Variants in LRRK2 observed in about 807,000 individuals in gnomAD.
LRRK2 encodes leucine rich repeat kinase 2.
A neutral mutation model predicts 302.6 loss-of-function variants in LRRK2; 203 were observed. That is an observed-to-expected ratio of 0.67 (90% CI 0.60 to 0.75). LRRK2 has a LOEUF of 0.75. Ranked by LOEUF, LRRK2 falls within the 30% of genes least tolerant of loss-of-function variation. The probability of loss-of-function intolerance (pLI) is 0.00; values close to 1 mark genes in which losing one functional copy is unlikely to be tolerated. For synonymous variants in LRRK2, 1,066 were observed against 1,031.9 expected, an observed-to-expected ratio of 1.03 and a Z score of -0.63; for missense variants, 2,830 against 2,951.0, an observed-to-expected ratio of 0.96 and a Z score of 0.95.
At chr12:40,303,886 T>C (rs1299749812) in intron 26 of LRRK2, 62 bp from the exon 27 acceptor site, 13 of 1,488,988 alleles carry the variant, frequency 8.7e-6, no homozygotes, top group Non-Finnish European at 1.1e-5. Context: ...TTATTTGTGA[T>C]GTTATTTCAT....
intron 7 of LRRK2, 76 bp from the exon 8 acceptor site, chr12:40,249,750 G>A (rs1565679438): frequency 6.7e-7 from 1 of 1,488,022 alleles, no homozygotes; most frequent in Non-Finnish European, 9.3e-7. Flanking sequence ...AATTATTGAT[G>A]TAAATAGTGT....
chr12:40,283,853 C>T lies in LRRK2; in HGVS notation c.2242-22C>T, dbSNP rs36220738. 49,899 of 1,594,358 alleles carry T rather than the reference C, an allele frequency of 0.031. 2,409 individuals are homozygous for T. Among genetic ancestry groups the T allele is most frequent in the Admixed American group, 0.19 (10,885 of 58,802 alleles). On this transcript the variant is annotated intron_variant, in intron 18 of 50. Coordinates refer to ENST00000298910, the MANE Select transcript of LRRK2 (RefSeq NM_198578.4). Reference sequence around the variant, plus strand: ...AAGAAAAATGTAGATTTTTAATATACTTAATTTTTTTTCTTTAATAGGTAT... The same window carrying T: ...AAGAAAAATGTAGATTTTTAATATATTTAATTTTTTTTCTTTAATAGGTAT...
chr12:40,345,377 C>A (rs1946159958), intron 41 of LRRK2, among the ~76,000 whole-genome samples: 1 of 152,096 alleles, frequency 6.6e-6, no homozygotes, highest in South Asian at 2.1e-4. Context: ...AATCCCAACA[C>A]TTTGGGAGGC....
At chr12:40,287,001 G>A (rs1382463546) in intron 19 of LRRK2, among the ~76,000 whole-genome samples, 1 of 151,912 alleles carries the variant, frequency 6.6e-6, no homozygotes, top group Non-Finnish European at 1.5e-5. Flanking sequence ...TTTTCCAGGT[G>A]AGGACACTGA....
intron 30 of LRRK2, among the ~76,000 whole-genome samples, chr12:40,310,087 T>C (rs928082260): frequency 6.6e-6 from 1 of 152,108 alleles, no homozygotes; most frequent in Non-Finnish European, 1.5e-5. Context: ...GTTAATTTGA[T>C]ATAATTTGTG....
chr12:40,272,822 T>C (rs1407577552), intron 14 of LRRK2, among the ~76,000 whole-genome samples: 2 of 152,126 alleles, frequency 1.3e-5, no homozygotes, highest in African/African-American at 4.8e-5. Flanking sequence ...AGGAAAGAAG[T>C]CTGATTATAC....
intron 4 of LRRK2, among the ~76,000 whole-genome samples, chr12:40,236,043 G>A (rs1321311501): frequency 6.6e-6 from 1 of 151,882 alleles, no homozygotes; most frequent in African/African-American, 2.4e-5. Flanking sequence ...TCTGTTGGTA[G>A]TCCGATGTTT....
Position 40,364,824 on chromosome 12 carries a change from T to C in LRRK2, c.7182-18T>C, listed in dbSNP as rs1565784410. ...TTAATTGGTGGTAAAATTATTAATG[T>C]ATACTTTATGGTTCTAGGGAGGTAA... On this transcript the variant is annotated intron_variant, in intron 48 of 50. Transcript: ENST00000298910. The C allele has an allele frequency of 1.3e-6, 2 of 1,559,838 alleles. No individual in the cohort carries two copies. Among genetic ancestry groups the C allele is most frequent in the Non-Finnish European group, 1.8e-6 (2 of 1,132,584 alleles).
At chr12:40,290,285 C>CATT (rs1298828814) in intron 20 of LRRK2, among the ~76,000 whole-genome samples, 1 of 152,104 alleles carries the variant, frequency 6.6e-6, no homozygotes, top group Non-Finnish European at 1.5e-5. Flanking sequence ...GGTTATGGTA[C>CATT]ATTATCCTTT....
chr12:40,243,740 C>A, intron 7 of LRRK2, 59 bp downstream of exon 7: 1 of 1,439,428 alleles, frequency 6.9e-7, no homozygotes, highest in South Asian at 1.2e-5. Context: ...ACATATAAAA[C>A]ATATATATGT....
chr12:40,304,224 CA>C (rs1348438992), intron 27 of LRRK2, 90 bp downstream of exon 27: 5 of 1,255,110 alleles, frequency 4.0e-6, no homozygotes, highest in Admixed American at 4.0e-5. Flanking sequence ...TTCTAAATAC[CA>C]ATTTCATGAA....
chr12:40,366,841 A>G (rs1946893635), intron 49 of LRRK2, 165 bp from the exon 50 acceptor site: 1 of 558,542 alleles, frequency 1.8e-6, no homozygotes, highest in Non-Finnish European at 3.2e-6. Flanking sequence ...TTTTTAAAAA[A>G]ATGCTGGTCT....
intron 25 of LRRK2, chr12:40,300,991 A>G (rs1652759377): frequency 2.1e-6 from 1 of 469,308 alleles, no homozygotes. Context: ...CCTAATGGTC[A>G]TACCTAGGAC....
rs1442222438 is a variant in LRRK2 at position 40,277,629 on chromosome 12, A to G, written c.1942-259A>G. The stretch of plus-strand genomic sequence containing the variant: ...ATCTTTGAAAACCAAATTTGAGGGT[A>G]TTAGTTCTTTTTCCTGCTTTGCTAC... On this transcript the variant is annotated intron_variant, in intron 16 of 50. Coordinates refer to ENST00000298910, the MANE Select transcript of LRRK2 (RefSeq NM_198578.4). Among the ~76,000 whole-genome samples, 4 of 152,132 alleles carry G rather than the reference A, an allele frequency of 2.6e-5. No homozygotes were observed. The East Asian group carries it at 5.8e-4, about 22-fold the overall frequency.
intron 19 of LRRK2, among the ~76,000 whole-genome samples, chr12:40,285,990 C>CT (rs1943911672): frequency 6.6e-6 from 1 of 152,026 alleles, no homozygotes; most frequent in East Asian, 1.9e-4. Context: ...ATTACTTAAA[C>CT]TAGTCTTATG....
intron 35 of LRRK2, among the ~76,000 whole-genome samples, 197 bp from the exon 36 acceptor site, chr12:40,321,838 G>T (rs1330709483): frequency 1.3e-5 from 2 of 152,020 alleles, no homozygotes; most frequent in Non-Finnish European, 2.9e-5. Flanking sequence ...ATCTTAATGT[G>T]CAGGGGATTT....
At chr12:40,348,360 C>A (rs962246601) in intron 42 of LRRK2, 49 bp from the exon 43 acceptor site, 13 of 1,260,810 alleles carry the variant, frequency 1.0e-5, no homozygotes, top group Admixed American at 6.8e-5. Flanking sequence ...GGAAATATAA[C>A]CATTCTTACT....
chr12:40,359,447 A>T lies in LRRK2; in HGVS notation c.7028+3A>T. On this transcript the variant is annotated splice_donor_region_variant and intron_variant, in intron 47 of 50. Transcript: ENST00000298910. ...ATTGAGACAAGAACAAGCCAACTGT[A>T]AGTTATTTTTTATCTGTACAAGTAA... 1 of 1,611,990 alleles carries T rather than the reference A, an allele frequency of 6.2e-7. No individual in the cohort carries two copies. The highest frequency in any genetic ancestry group is 8.5e-7 in the Non-Finnish European group (1 of 1,178,664).
chr12:40,360,435 T>G (rs1460577718), intron 47 of LRRK2, among the ~76,000 whole-genome samples: 1 of 152,094 alleles, frequency 6.6e-6, no homozygotes, highest in Admixed American at 6.6e-5. Flanking sequence ...TTGACCCTCC[T>G]AATTGTCATT....
Sources: allele counts gnomAD v4.1 joint callset (sites outside exome capture counted in the v4.1 genomes callset), GRCh38; gene constraint gnomAD v4.1.1; transcripts MANE v1.5; gene names NCBI Gene and HGNC (gene_info 2026-07-23, HGNC 2026-07-21).